ABI2: variants seen among roughly 807,000 people sequenced by gnomAD.
The protein encoded by ABI2 is abl interactor 2.
A neutral mutation model predicts 59.2 loss-of-function variants in ABI2; 25 were observed. That is an observed-to-expected ratio of 0.42 (90% CI 0.31 to 0.59). The LOEUF is 0.59. Ranked by LOEUF, ABI2 falls within the 20% of genes least tolerant of loss-of-function variation. The pLI is 0.14. For synonymous variants in ABI2, 213 were observed against 235.5 expected (o/e 0.90, Z 0.87); for missense variants, 545 against 681.8 (o/e 0.80, Z 2.23).
At chr2:203,360,184 C>CAAAA (rs58857922) in intron 1 of ABI2, among the ~76,000 whole-genome samples, 52 of 70,844 alleles carry the variant, frequency 7.3e-4, no homozygotes, top group East Asian at 1.7e-3. Context: ...GACTCCATCT[C>CAAAA]AAAAAAAAAA....
chr2:203,410,983 A>T (rs1043660636), intron 9 of ABI2, among the ~76,000 whole-genome samples: 1 of 149,648 alleles, frequency 6.7e-6, no homozygotes, highest in Admixed American at 6.7e-5. Context: ...CATGATTGTT[A>T]TATATAAAAA....
intron 9 of ABI2, among the ~76,000 whole-genome samples, chr2:203,403,086 C>T (rs768737716): frequency 4.6e-5 from 7 of 152,096 alleles, no homozygotes; most frequent in Non-Finnish European, 1.0e-4. Flanking sequence ...GTTGTGTGCA[C>T]ATGAACAGAA....
chr2:203,402,803 CT>C (rs1225157853), intron 9 of ABI2, 69 bp downstream of exon 9: 2 of 1,357,024 alleles, frequency 1.5e-6, no homozygotes, highest in African/African-American at 3.0e-5. Context: ...ACAAAAAACC[CT>C]TAATTACAAA....
At chr2:203,343,961 C>G (rs2081594735) in intron 1 of ABI2, among the ~76,000 whole-genome samples, 1 of 151,814 alleles carries the variant, frequency 6.6e-6, no homozygotes, top group African/African-American at 2.4e-5. Context: ...GAGAGAGACC[C>G]CGTCTCTACA....
At chr2:203,393,246 G>A (rs1207373316) in intron 5 of ABI2, among the ~76,000 whole-genome samples, 1 of 152,122 alleles carries the variant, frequency 6.6e-6, no homozygotes, top group Non-Finnish European at 1.5e-5. Context: ...GTAGAGATGG[G>A]GTTTTGCCAT....
Position 203,328,531 on chromosome 2 carries a change from T to A in ABI2, c.17T>A (p.Met6Lys). MAELQ[M>K]LLEEEIPGGR... The stretch of plus-strand genomic sequence containing the variant: ...GATGTGAAGATGGCGGAGCTGCAGA[T>A]GCTGCTGGAAGAGGAAATCCCGGGG... Residue 6 changes from methionine (M) to lysine (K), a missense_variant, in exon 1 of 12, where the codon ATG (methionine) becomes AAG (lysine). Met to Lys is a moderately conservative substitution (Grantham distance 95). Transcript: ENST00000261018. The A allele has an allele frequency of 1.9e-6, 3 of 1,605,346 alleles. No individual in the cohort carries two copies. Among genetic ancestry groups the A allele is most frequent in the Non-Finnish European group, 2.6e-6 (3 of 1,176,350 alleles).
chr2:203,351,868 C>T (rs1383233388), intron 1 of ABI2, among the ~76,000 whole-genome samples: 6 of 152,012 alleles, frequency 3.9e-5, no homozygotes, highest in South Asian at 2.1e-4. Flanking sequence ...TACAGTCATG[C>T]GCAGCATAAT....
chr2:203,395,448 T>TATATATATACACACACACAC (rs750379504), intron 6 of ABI2, among the ~76,000 whole-genome samples: 3 of 115,316 alleles, frequency 2.6e-5, no homozygotes, highest in Non-Finnish European at 3.5e-5. Flanking sequence ...TATATATATA[T>TATATATATACACACACACAC]ACACACACAC....
intron 11 of ABI2, among the ~76,000 whole-genome samples, chr2:203,419,433 A>G (rs2098090484): frequency 6.8e-6 from 1 of 146,848 alleles, no homozygotes; most frequent in African/African-American, 2.6e-5. Context: ...CAGTGGTGTG[A>G]TCCTGGCTCA....
intron 1 of ABI2, among the ~76,000 whole-genome samples, chr2:203,340,057 C>T (rs1295128475): frequency 6.6e-6 from 1 of 152,150 alleles, no homozygotes; most frequent in Non-Finnish European, 1.5e-5. Flanking sequence ...AAGAAGGAAA[C>T]CCTGCTATTT....
chr2:203,417,164 T>A (rs1580589501), intron 11 of ABI2, 83 bp downstream of exon 11: 1 of 1,227,428 alleles, frequency 8.1e-7, no homozygotes, highest in East Asian at 2.5e-5. Flanking sequence ...AGAATCTTAT[T>A]TTCTACTAAG....
At chr2:203,343,409 A>G (rs917722745) in intron 1 of ABI2, among the ~76,000 whole-genome samples, 4 of 152,158 alleles carry the variant, frequency 2.6e-5, no homozygotes, top group Non-Finnish European at 4.4e-5. Context: ...TGTGGTACAA[A>G]CATGTTATGT....
chr2:203,340,770 ATGT>A (rs956758342), intron 1 of ABI2, among the ~76,000 whole-genome samples: 9 of 152,054 alleles, frequency 5.9e-5, no homozygotes, highest in African/African-American at 1.7e-4. Context: ...TCATGTCATC[ATGT>A]TGTACACTTT....
chr2:203,409,737 CTT>C (rs1247854970), intron 9 of ABI2, among the ~76,000 whole-genome samples: 1 of 152,146 alleles, frequency 6.6e-6, no homozygotes, highest in Non-Finnish European at 1.5e-5. Context: ...CATCCATTGT[CTT>C]TTTTTAATCT....
intron 10 of ABI2, among the ~76,000 whole-genome samples, chr2:203,416,619 A>G (rs764670017): frequency 4.6e-5 from 7 of 151,996 alleles, no homozygotes; most frequent in Non-Finnish European, 1.0e-4. Flanking sequence ...TGGAAAGAGG[A>G]TTTGTGTTAA....
At position 203,425,172 on chromosome 2, in the gene ABI2, A is replaced by T. The variant is rs148117749; in HGVS notation, c.1454-2005A>T. Among the ~76,000 whole-genome samples the T allele has an allele frequency of 2.5e-3, 384 of 152,054 alleles. 1 individual carries two copies. The highest frequency in any genetic ancestry group is 0.01 in the Middle Eastern group (3 of 294). On this transcript the variant is annotated intron_variant, in intron 11 of 11. Transcript: ENST00000261018. ...CACTTCTAAGCATCTCTGTTACAACAGGCTTCATATTCTCTTCTGAATTAC... is the reference window on the plus strand; with the variant it reads ...CACTTCTAAGCATCTCTGTTACAACTGGCTTCATATTCTCTTCTGAATTAC...
intron 4 of ABI2, among the ~76,000 whole-genome samples, chr2:203,389,253 A>C (rs562116835): frequency 7.9e-5 from 12 of 152,282 alleles, no homozygotes; most frequent in African/African-American, 2.9e-4. Context: ...CTCTTACTTG[A>C]TAATGTTTGT....
At chr2:203,356,105 C>A (rs775680412) in intron 1 of ABI2, among the ~76,000 whole-genome samples, 1 of 152,014 alleles carries the variant, frequency 6.6e-6, no homozygotes, top group Non-Finnish European at 1.5e-5. Flanking sequence ...GATGATGATC[C>A]TTCCTACGGG....
At chr2:203,384,664 G>T (rs545857328) in intron 4 of ABI2, among the ~76,000 whole-genome samples, 1 of 151,996 alleles carries the variant, frequency 6.6e-6, no homozygotes, top group African/African-American at 2.4e-5. Context: ...AGGTCAGTAT[G>T]ATGTGTTTGT....
Sources: gnomAD v4.1 joint callset for allele counts (sites outside exome capture counted in the v4.1 genomes callset) on GRCh38, gnomAD v4.1.1 for gene constraint, MANE v1.5 for transcripts, NCBI Gene and HGNC (gene_info 2026-07-23, HGNC 2026-07-21) for gene names.